Variants in NTRK2 observed in about 807,000 individuals in gnomAD.
NTRK2 encodes neurotrophic receptor tyrosine kinase 2.
Under a neutral mutation model 94.5 loss-of-function variants are expected in NTRK2, and 13 were observed. That is an observed-to-expected ratio of 0.14 (90% CI 0.09 to 0.22). The LOEUF (loss-of-function observed/expected upper bound fraction) is 0.22, where lower values mean the gene tolerates loss of function less well. NTRK2 is among the 10% of genes least tolerant of loss of function. The pLI is 1.00. For missense variants in NTRK2, 639 were observed against 1,071.2 expected (o/e 0.60, Z 5.63); for synonymous variants, 372 against 407.4 (o/e 0.91, Z 1.05).
intron 12 of NTRK2, chr9:84,812,734 A>G (rs1282284945): frequency 9.6e-7 from 1 of 1,040,736 alleles, no homozygotes; most frequent in Non-Finnish European, 1.2e-6. Flanking sequence ...TTGTTTAAGA[A>G]CTATTTTAAA....
Position 84,955,350 on chromosome 9 carries a change from A to T in NTRK2, c.2005A>T (p.Met669Leu), listed in dbSNP as rs1449704490. ...GCCCACGGAACTGACGCAGTCGCAGATGCTGCATATAGCCCAGCAGATCGC... is the reference window on the plus strand; with the variant it reads ...GCCCACGGAACTGACGCAGTCGCAGTTGCTGCATATAGCCCAGCAGATCGC... ...NPPTELTQSQ[M>L]LHIAQQIAAG... Residue 669 changes from methionine (M) to leucine (L), a missense_variant, in exon 17 of 19, where the codon ATG (methionine) becomes TTG (leucine). Around this residue, in one of 5 missense-constraint regions of NTRK2, gnomAD observed 343 missense variants for 571.5 expected, o/e 0.60. Coordinates refer to ENST00000277120, the MANE Select transcript of NTRK2 (RefSeq NM_006180.6). 6.2e-7 allele frequency: 1 copy of T among 1,613,362 alleles called. No homozygotes were observed. Among genetic ancestry groups the T allele is most frequent in the Admixed American group, 1.7e-5 (1 of 59,928 alleles).
chr9:84,877,267 A>T lies in NTRK2; in HGVS notation c.1633+9836A>T, dbSNP rs561569397. The T allele has an allele frequency of 4.5e-5, 48 of 1,064,572 alleles. No homozygotes were observed. The African/African-American group carries it at 7.2e-4, about 16-fold the overall frequency. The allele number at this position is 1,064,572 out of a possible 1,614,324, so 65.9% of individuals were successfully genotyped here. Reference sequence around the variant, plus strand: ...GTGTCCTCTTTAGTTCTCTTTGAGGATTCATGTCATTGAGGGCCTTTGTGC... The same window carrying T: ...GTGTCCTCTTTAGTTCTCTTTGAGGTTTCATGTCATTGAGGGCCTTTGTGC... On this transcript the variant is annotated intron_variant, in intron 14 of 18. Coordinates refer to ENST00000277120, the MANE Select transcript of NTRK2 (RefSeq NM_006180.6).
intron 12 of NTRK2, among the ~76,000 whole-genome samples, chr9:84,843,463 G>A (rs1478702472): frequency 6.6e-6 from 1 of 152,188 alleles, no homozygotes; most frequent in Non-Finnish European, 1.5e-5. Flanking sequence ...TGAGAGGTGA[G>A]CCAGCTGCCC....
At chr9:84,694,790 CATCT>C (rs763074807) in intron 2 of NTRK2, among the ~76,000 whole-genome samples, 2 of 152,074 alleles carry the variant, frequency 1.3e-5, no homozygotes, top group South Asian at 2.1e-4. Flanking sequence ...ATCAATCAAT[CATCT>C]ATCTATCATC....
intron 11 of NTRK2, 102 bp downstream of exon 11, chr9:84,745,175 T>A: frequency 1.3e-6 from 1 of 781,124 alleles, no homozygotes; most frequent in Non-Finnish European, 2.2e-6. Context: ...ATTGTTCAGA[T>A]ATAAATAGGG....
chr9:84,772,227 T>C (rs972719769), intron 12 of NTRK2, among the ~76,000 whole-genome samples: 1 of 152,168 alleles, frequency 6.6e-6, no homozygotes, highest in Non-Finnish European at 1.5e-5. Flanking sequence ...ACAGTGGACA[T>C]GCATCCATTT....
chr9:84,773,137 C>T (rs1036550060), intron 12 of NTRK2, among the ~76,000 whole-genome samples: 1 of 152,146 alleles, frequency 6.6e-6, no homozygotes, highest in East Asian at 1.9e-4. Flanking sequence ...GATAACATTA[C>T]TAATTTTTAA....
At chr9:84,966,434 T>C (rs1228409935) in intron 17 of NTRK2, among the ~76,000 whole-genome samples, 1 of 151,542 alleles carries the variant, frequency 6.6e-6, no homozygotes, top group East Asian at 1.9e-4. Flanking sequence ...TTTTTGTTTG[T>C]TTGTTTGTTT....
chr9:84,705,480 C>T (rs900811187), intron 4 of NTRK2, among the ~76,000 whole-genome samples: 1 of 152,118 alleles, frequency 6.6e-6, no homozygotes, highest in African/African-American at 2.4e-5. Context: ...GCTCATAAAA[C>T]TCATCTTGTT....
chr9:84,883,890 A>T (rs1011791775), intron 14 of NTRK2, among the ~76,000 whole-genome samples: 1 of 152,234 alleles, frequency 6.6e-6, no homozygotes, highest in Non-Finnish European at 1.5e-5. Context: ...AACCTAGTTG[A>T]CTTTTCTCAA....
rs1554757394 is a variant in NTRK2, at chr9:84,870,140, C to CACAT, written c.1633+2710_1633+2711insCATA. ...ATATATATATATACACACACACACACATATATATACACACACATACATGTA... is the reference window on the plus strand; with the variant it reads ...ATATATATATATACACACACACACACACATATATATATACACACACATACATGTA... On this transcript the variant is annotated intron_variant, in intron 14 of 18. Transcript: ENST00000277120. 7.3e-4 allele frequency among the ~76,000 whole-genome samples: 95 copies of CACAT among 129,874 alleles called. 1 individual carries two copies. Among genetic ancestry groups the CACAT allele is most frequent in the Middle Eastern group, 4.3e-3 (1 of 230 alleles). 85.2% of individuals were successfully genotyped at this position (129,874 alleles called of 152,430 possible). A position where few individuals can be genotyped will look rare whatever the true frequency, so the allele number is the denominator to read the frequency against.
intron 17 of NTRK2, among the ~76,000 whole-genome samples, chr9:84,995,009 G>C (rs947713059): frequency 6.6e-6 from 1 of 152,224 alleles, no homozygotes; most frequent in Admixed American, 6.5e-5. Flanking sequence ...AGGGAATATT[G>C]TGGTCAGGAC....
chr9:84,982,099 T>G (rs995631741), intron 17 of NTRK2, among the ~76,000 whole-genome samples: 1 of 152,324 alleles, frequency 6.6e-6, no homozygotes, highest in African/African-American at 2.4e-5. Flanking sequence ...TCCTTTTTAT[T>G]GGGTAGAATT....
At chr9:84,794,950 A>G (rs2069132163) in intron 12 of NTRK2, among the ~76,000 whole-genome samples, 1 of 152,244 alleles carries the variant, frequency 6.6e-6, no homozygotes, top group South Asian at 2.1e-4. Flanking sequence ...AAAATACTGA[A>G]ACTCCTCCCT....
chr9:84,974,896 G>A (rs1277226229), intron 17 of NTRK2, among the ~76,000 whole-genome samples: 2 of 152,182 alleles, frequency 1.3e-5, no homozygotes, highest in African/African-American at 2.4e-5. Flanking sequence ...CCTGGGTGTG[G>A]CATATTTCCA....
intron 14 of NTRK2, among the ~76,000 whole-genome samples, chr9:84,879,150 G>C (rs1422835089): frequency 1.3e-5 from 2 of 152,264 alleles, no homozygotes; most frequent in African/African-American, 4.8e-5. Context: ...GAGAGAGAGA[G>C]AGAGACAGAG....
intron 9 of NTRK2, among the ~76,000 whole-genome samples, chr9:84,731,399 G>A (rs1212111943): frequency 1.3e-5 from 2 of 152,136 alleles, no homozygotes; most frequent in African/African-American, 2.4e-5. Flanking sequence ...TCGTGCTACT[G>A]CACTCCAGCC....
chr9:84,905,451 G>A (rs552155789), intron 14 of NTRK2, among the ~76,000 whole-genome samples: 1 of 152,220 alleles, frequency 6.6e-6, no homozygotes, highest in Admixed American at 6.5e-5. Context: ...ATGAGACAGG[G>A]TAAAACAAGT....
At chr9:84,684,813 CT>C (rs1187123562) in intron 2 of NTRK2, among the ~76,000 whole-genome samples, 1 of 152,042 alleles carries the variant, frequency 6.6e-6, no homozygotes, top group Admixed American at 6.6e-5. Context: ...GAACTTAGCC[CT>C]TTTCTTTTTT....
Sources: allele counts gnomAD v4.1 joint callset (sites outside exome capture counted in the v4.1 genomes callset), GRCh38; gene constraint gnomAD v4.1.1; regional missense constraint gnomAD v4.1.1; transcripts MANE v1.5; gene names NCBI Gene and HGNC (gene_info 2026-07-23, HGNC 2026-07-21).